ANXA8: variants seen among roughly 807,000 people sequenced by gnomAD.
ANXA8 encodes VAC-beta.
In ANXA8, 9 loss-of-function variants were observed where a neutral mutation model predicts 26.8. That is an observed-to-expected ratio of 0.34 (90% CI 0.20 to 0.59). The LOEUF is 0.59. ANXA8 is among the 20% of genes least tolerant of loss of function. The pLI, the probability that ANXA8 is intolerant of heterozygous loss-of-function variation, is 0.84. For missense variants in ANXA8, 83 were observed against 238.5 expected (o/e 0.35, Z 4.29); for synonymous variants, 39 against 94.8 (o/e 0.41, Z 3.42).
chr10:47,649,666 C>G, the ANXA8 span, among the ~76,000 whole-genome samples: 347 of 151,188 alleles, frequency 2.3e-3, no homozygotes, highest in Non-Finnish European at 8.4e-4. Context: ...CGTGGCCTCC[C>G]AACGTGCTGG....
the ANXA8 span, among the ~76,000 whole-genome samples, chr10:47,718,283 C>T: frequency 6.9e-6 from 1 of 145,018 alleles, no homozygotes; most frequent in Non-Finnish European, 1.5e-5. Context: ...CCAGCCTGGT[C>T]AACATGGCAA....
At chr10:47,918,413 GAAAGAAAGAAAGAAAGAA>G in the ANXA8 span, among the ~76,000 whole-genome samples, 1 of 31,838 alleles carries the variant, frequency 3.1e-5, no homozygotes, top group African/African-American at 2.1e-4. Flanking sequence ...AAGAAAGAAA[GAAAGAAAGAAAGAAAGAA>G]AGAGAGAGAG....
chr10:47,644,980 G>T, the ANXA8 span, among the ~76,000 whole-genome samples: 1 of 151,780 alleles, frequency 6.6e-6, no homozygotes, highest in Non-Finnish European at 1.5e-5. Flanking sequence ...ATATAGTAAG[G>T]TACATGTCAA....
chr10:47,687,734 C>T, the ANXA8 span, among the ~76,000 whole-genome samples: 5 of 151,766 alleles, frequency 3.3e-5, no homozygotes, highest in Non-Finnish European at 7.4e-5. Context: ...GAAGGTTATT[C>T]TTTCTATGAG....
At chr10:47,554,110 A>AAAAAAAATAAATAAAT in the ANXA8 span, among the ~76,000 whole-genome samples, 1 of 129,864 alleles carries the variant, frequency 7.7e-6, no homozygotes, top group African/African-American at 3.0e-5. Context: ...CATCTCTCAA[A>AAAAAAAATAAATAAAT]AAATAAATAA....
the ANXA8 span, among the ~76,000 whole-genome samples, chr10:47,940,467 C>T: frequency 2.0e-5 from 3 of 147,238 alleles, no homozygotes; most frequent in Admixed American, 1.3e-4. Context: ...AAAAAAATAG[C>T]TCTCCATACA....
At chr10:47,748,419 G>T in the ANXA8 span, among the ~76,000 whole-genome samples, 4 of 151,586 alleles carry the variant, frequency 2.6e-5, no homozygotes, top group East Asian at 1.9e-4. Flanking sequence ...CACCATGTTG[G>T]CCAGGTTGGT....
At chr10:47,778,802 T>C in the ANXA8 span, among the ~76,000 whole-genome samples, 1,519 of 151,800 alleles carry the variant, frequency 0.01, 11 homozygotes, top group Non-Finnish European at 0.016. Flanking sequence ...ATTCAAAATA[T>C]ACCCATTTAC....
chr10:47,674,857 A>G, the ANXA8 span, among the ~76,000 whole-genome samples: 1 of 151,798 alleles, frequency 6.6e-6, no homozygotes, highest in South Asian at 2.1e-4. Context: ...TTCAGTTGGT[A>G]TGACTTTTTG....
chr10:47,959,106 G>A, the ANXA8 span, among the ~76,000 whole-genome samples: 1 of 147,878 alleles, frequency 6.8e-6, no homozygotes, highest in African/African-American at 2.6e-5. Flanking sequence ...AGGCAGGAAA[G>A]GCTGGGAGGT....
chr10:47,610,921 G>T, the ANXA8 span, among the ~76,000 whole-genome samples: 1 of 74,962 alleles, frequency 1.3e-5, no homozygotes, highest in Non-Finnish European at 2.7e-5. Flanking sequence ...TCTTCTGCAG[G>T]CTATGTGATT....
the ANXA8 span, among the ~76,000 whole-genome samples, chr10:47,979,265 C>G: frequency 6.6e-6 from 1 of 151,530 alleles, no homozygotes; most frequent in Non-Finnish European, 1.5e-5. Context: ...AACAACTAGG[C>G]AGAAGATCCA....
the ANXA8 span, among the ~76,000 whole-genome samples, chr10:47,648,174 A>G: frequency 6.6e-6 from 1 of 151,182 alleles, no homozygotes; most frequent in African/African-American, 2.5e-5. Flanking sequence ...AGGACGGCAA[A>G]CAAACAGGAA....
the ANXA8 span, among the ~76,000 whole-genome samples, chr10:47,574,046 A>C: frequency 1.9e-5 from 2 of 102,654 alleles, no homozygotes; most frequent in Admixed American, 1.1e-4. Flanking sequence ...AGAATTGAGT[A>C]CAGTCCTTAG....
At chr10:47,733,217 C>CT in the ANXA8 span, among the ~76,000 whole-genome samples, 3 of 71,406 alleles carry the variant, frequency 4.2e-5, no homozygotes, top group African/African-American at 1.4e-4. Flanking sequence ...TTCTTTCTTT[C>CT]TTTCTCTTTC....
chr10:47,694,920 A>G, the ANXA8 span, among the ~76,000 whole-genome samples: 14 of 151,544 alleles, frequency 9.2e-5, 1 homozygote. Context: ...GACAAACAGA[A>G]TAAGGACTAG....
At chr10:47,643,596 AATT>A in the ANXA8 span, among the ~76,000 whole-genome samples, 1 of 147,516 alleles carries the variant, frequency 6.8e-6, no homozygotes, top group African/African-American at 2.6e-5. Flanking sequence ...ATTTTTAAAA[AATT>A]AATAGTTTCA....
chr10:47,766,050 G>A, the ANXA8 span, among the ~76,000 whole-genome samples: 1 of 149,922 alleles, frequency 6.7e-6, no homozygotes, highest in Non-Finnish European at 1.5e-5. Flanking sequence ...GCCGAATATG[G>A]GACTCTGTGC....
the ANXA8 span, among the ~76,000 whole-genome samples, chr10:47,578,053 T>C: frequency 4.0e-5 from 2 of 50,226 alleles, no homozygotes; most frequent in East Asian, 3.1e-4. Context: ...CAGTGGCTCA[T>C]GCCTGTAATC....
Sources: gnomAD v4.1 joint callset for allele counts (sites outside exome capture counted in the v4.1 genomes callset) on GRCh38, gnomAD v4.1.1 for gene constraint, MANE v1.5 for transcripts, NCBI Gene and HGNC (gene_info 2026-07-23, HGNC 2026-07-21) for gene names.